XPC: variants seen among roughly 807,000 people sequenced by gnomAD.
XPC encodes the protein XPC complex subunit, DNA damage recognition and repair factor.
A neutral mutation model predicts 95.8 loss-of-function variants in XPC; 76 were observed. The observed-to-expected ratio is 0.79, with a 90% CI of 0.66 to 0.96. The LOEUF is 0.96. Among genes scored for constraint, XPC ranks in the 40% least tolerant of loss-of-function variants. The probability of loss-of-function intolerance (pLI) is 0.00; values close to 1 mark genes in which losing one functional copy is unlikely to be tolerated. For missense variants in XPC, 1,146 were observed against 1,179.8 expected, an observed-to-expected ratio of 0.97 and a Z score of 0.42; for synonymous variants, 442 against 442.1, an observed-to-expected ratio of 1.00 and a Z score of 0.00.
chr3:14,171,198 A>G (rs1696597637), intron 2 of XPC, among the ~76,000 whole-genome samples: 1 of 152,246 alleles, frequency 6.6e-6, no homozygotes, highest in South Asian at 2.1e-4. Flanking sequence ...ATGTGTCTAG[A>G]GTATCCAGTT....
Position 14,158,261 on chromosome 3 carries a change from T to C in XPC, c.1622A>G (p.Lys541Arg). The part of the protein sequence containing the change: ...WLEVFCEQEE[K>R]WVCVDCVHGV... The stretch of plus-strand genomic sequence containing the variant: ...GTGCACACAGTCTACACATACCCAC[T>C]TTTCCTCCTGCTCACAGAACACCTC... Residue 541 changes from lysine to arginine, a missense_variant, in exon 9 of 16, where the codon AAG becomes AGG. Lys to Arg is a conservative substitution (Grantham distance 26). Transcript: ENST00000285021. The surrounding 1 kb of genome is among the most constrained non-coding windows in gnomAD (Gnocchi z 5.2). 6.2e-7 allele frequency: 1 copy of C among 1,613,974 alleles called. No homozygotes were observed. The highest frequency in any genetic ancestry group is 8.5e-7 in the Non-Finnish European group (1 of 1,179,876).
chr3:14,152,686 T>G, intron 10 of XPC: 1 of 390,822 alleles, frequency 2.6e-6, no homozygotes. Context: ...TAGGTTTTCT[T>G]CTCCTCTGCT....
At chr3:14,146,611 C>T (rs1200445729) in intron 15 of XPC, among the ~76,000 whole-genome samples, 2 of 152,136 alleles carry the variant, frequency 1.3e-5, no homozygotes, top group Admixed American at 6.5e-5. Context: ...ATGGAGAAGG[C>T]GGCAAGGAGC....
At position 14,158,361 on chromosome 3, in the gene XPC, T is replaced by C. The variant is rs759355579; in HGVS notation, c.1522A>G (p.Lys508Glu). The change falls in exon 9 of 16, where the codon AAA (lysine) becomes GAA (glutamate). Residue 508 changes from lysine to glutamate, a missense_variant. By Grantham distance (56) the Lys-to-Glu change is moderately conservative. Transcript: ENST00000285021. The surrounding 1 kb of genome is among the most constrained non-coding windows in gnomAD (Gnocchi z 5.2). ...PAASSSSSSS[K>E]RGKKMCSDGE... is the part of the protein sequence containing the mutation. ...TCGCTGCACATTTTCTTGCCTCTTT[T>C]ACTGCTTGAAGAGCTTGAGGATGCC... 8.1e-6 allele frequency: 13 copies of C among 1,613,828 alleles called. No individual in the cohort carries two copies. The highest frequency in any genetic ancestry group is 1.7e-5 in the Admixed American group (1 of 60,010).
At chr3:14,160,178 C>CT (rs1696112431) in intron 7 of XPC, among the ~76,000 whole-genome samples, 1 of 152,130 alleles carries the variant, frequency 6.6e-6, no homozygotes, top group African/African-American at 2.4e-5. Context: ...TGTTTACATG[C>CT]TTTTTTTCTC....
intron 15 of XPC, 141 bp downstream of exon 15, chr3:14,147,149 T>C: frequency 1.1e-6 from 1 of 878,216 alleles, no homozygotes; most frequent in South Asian, 1.6e-5. Flanking sequence ...CAAGCGGCCT[T>C]AGAGACAGAA....
At chr3:14,160,518 C>T (rs1004243011) in intron 7 of XPC, among the ~76,000 whole-genome samples, 20 of 152,166 alleles carry the variant, frequency 1.3e-4, no homozygotes, top group Middle Eastern at 3.2e-3. Context: ...GGAGAAAGTC[C>T]GGTGTGAGAA....
intron 10 of XPC, among the ~76,000 whole-genome samples, chr3:14,155,177 G>C (rs1181108139): frequency 6.6e-6 from 1 of 152,178 alleles, no homozygotes; most frequent in Non-Finnish European, 1.5e-5. Context: ...TGAAGAGAGG[G>C]TCCAGCATGA....
chr3:14,158,819 T>C lies in XPC; in HGVS notation c.1064A>G (p.Glu355Gly). Residue 355 changes from glutamate to glycine, a missense_variant, in exon 9 of 16, where the codon GAA becomes GGA. Physicochemically the swap from Glu to Gly is moderately conservative, Grantham distance 98. Coordinates refer to ENST00000285021, the MANE Select transcript of XPC (RefSeq NM_004628.5). This position sits in a 1 kb window ranked among gnomAD's most constrained non-coding sequence, Gnocchi z 5.2. ...GSSETSSQVL[E>G]NHTKPKTSKG... ...GCTGGTCTTTGGTTTGGTGTGGTTT[T>C]CTAGAACTTGGCTGGAAGTTTCTGA... is the stretch of plus-strand genomic sequence containing the variant. 1 of 1,613,992 alleles carries C rather than the reference T, an allele frequency of 6.2e-7. No homozygotes were observed. The highest frequency in any genetic ancestry group is 8.5e-7 in the Non-Finnish European group (1 of 1,179,894).
chr3:14,178,577 T>A lies in XPC; in HGVS notation c.-9A>T, dbSNP rs374118292. 34 of 1,612,462 alleles carry A rather than the reference T, an allele frequency of 2.1e-5. No individual in the cohort carries two copies. Among genetic ancestry groups the A allele is most frequent in the Non-Finnish European group, 2.8e-5 (33 of 1,179,128 alleles). ...GCGCGTTTCCGAGCCATGTTGCTTGTCTGGGCAAATTCCACTTCGCGAGTG... is the reference window on the plus strand; with the variant it reads ...GCGCGTTTCCGAGCCATGTTGCTTGACTGGGCAAATTCCACTTCGCGAGTG... On this transcript the variant is annotated 5_prime_UTR_variant, in exon 1 of 16. Coordinates refer to ENST00000285021, the MANE Select transcript of XPC (RefSeq NM_004628.5).
At chr3:14,175,246 C>T (rs1264802387) in intron 1 of XPC, among the ~76,000 whole-genome samples, 1 of 152,148 alleles carries the variant, frequency 6.6e-6, no homozygotes, top group Admixed American at 6.5e-5. Flanking sequence ...CTCAAAATTA[C>T]ACTAAATGCC....
intron 3 of XPC, among the ~76,000 whole-genome samples, chr3:14,169,516 A>T (rs983681122): frequency 8.5e-5 from 13 of 152,358 alleles, no homozygotes; most frequent in African/African-American, 3.1e-4. Context: ...GCTCTATATT[A>T]AGAGAGTAAA....
chr3:14,145,209 G>C lies in XPC; in HGVS notation c.*732C>G. ...AAAAGTCATTTCTCCTTAGTACAGA[G>C]AGCTTTATACATTTTATCTAGTAAT... On this transcript the variant is annotated 3_prime_UTR_variant, in exon 16 of 16. Transcript: ENST00000285021. The C allele has an allele frequency of 3.3e-6, 2 of 597,626 alleles. No individual in the cohort carries two copies. The highest frequency in any genetic ancestry group is 6.0e-6 in the Non-Finnish European group (2 of 334,586). 37.0% of individuals were successfully genotyped at this position (597,626 alleles called of 1,614,324 possible).
intron 1 of XPC, among the ~76,000 whole-genome samples, chr3:14,174,242 G>A (rs1036236027): frequency 6.6e-6 from 1 of 152,014 alleles, no homozygotes; most frequent in Non-Finnish European, 1.5e-5. Context: ...AAATTTTGAA[G>A]TACAAATTAT....
intron 5 of XPC, 188 bp from the exon 6 acceptor site, chr3:14,165,773 T>C (rs1473324117): frequency 3.3e-6 from 2 of 603,204 alleles, no homozygotes; most frequent in Admixed American, 3.0e-5. Context: ...TTTCTCTCTG[T>C]ATACTCATTC....
chr3:14,157,956 G>C, intron 9 of XPC, 55 bp downstream of exon 9: 2 of 1,534,338 alleles, frequency 1.3e-6, no homozygotes, highest in Non-Finnish European at 1.8e-6. Flanking sequence ...TCAAAAACAG[G>C]AATAATTTTA....
At chr3:14,163,902 A>G (rs1224188939) in intron 7 of XPC, among the ~76,000 whole-genome samples, 1 of 152,224 alleles carries the variant, frequency 6.6e-6, no homozygotes, top group Non-Finnish European at 1.5e-5. Context: ...TACAAAAATC[A>G]GCCAGGCATG....
Position 14,158,855 on chromosome 3 carries a change from G to C in XPC, c.1028C>G (p.Pro343Arg). The C allele has an allele frequency of 1.2e-6, 2 of 1,613,914 alleles. No individual in the cohort carries two copies. Among genetic ancestry groups the C allele is most frequent in the South Asian group, 1.1e-5 (1 of 91,080 alleles). The change falls in exon 9 of 16, where the codon CCA becomes CGA. Residue 343 changes from proline to arginine, a missense_variant. Physicochemically the swap from Pro to Arg is moderately radical, Grantham distance 103. Transcript: ENST00000285021. The surrounding 1 kb of genome is among the most constrained non-coding windows in gnomAD (Gnocchi z 5.2). ...GCTGGAAGTTTCTGAGGAGCCTCCT[G>C]GATCCGCAGTCAATCTTTCCTTGGA... The part of the protein sequence containing the change: ...KPSKERLTAD[P>R]GGSSETSSQV...
intron 2 of XPC, among the ~76,000 whole-genome samples, chr3:14,172,228 A>G (rs948737624): frequency 6.6e-6 from 1 of 152,196 alleles, no homozygotes; most frequent in African/African-American, 2.4e-5. Flanking sequence ...GGAACCCCAC[A>G]TGGTTCCAGC....
Sources: allele counts gnomAD v4.1 joint callset (sites outside exome capture counted in the v4.1 genomes callset), GRCh38; gene constraint gnomAD v4.1.1; non-coding constraint Gnocchi (gnomAD v3.1); transcripts MANE v1.5; gene names NCBI Gene and HGNC (gene_info 2026-07-23, HGNC 2026-07-21).